TENM3: variants seen among roughly 807,000 people sequenced by gnomAD.
TENM3 encodes teneurin-3.
Under a neutral mutation model 255.1 loss-of-function variants are expected in TENM3, and 63 were observed. The ratio of observed to expected loss-of-function variants is 0.25; its 90% CI spans 0.20 to 0.30. The LOEUF is 0.30. Ranked by LOEUF, TENM3 falls within the 10% of genes least tolerant of loss-of-function variation. TENM3 has a pLI of 1.00. For synonymous variants in TENM3, 1,306 were observed against 1,322.3 expected, an observed-to-expected ratio of 0.99 and a Z score of 0.27; for missense variants, 2,929 against 3,461.1, an observed-to-expected ratio of 0.85 and a Z score of 3.86.
chr4:182,440,822 T>G (rs1772419704), intron 3 of TENM3, among the ~76,000 whole-genome samples: 1 of 143,282 alleles, frequency 7.0e-6, no homozygotes, highest in Non-Finnish European at 1.5e-5. Flanking sequence ...GCTCTAGAGG[T>G]TTTTTTTTTT....
the TENM3 span, among the ~76,000 whole-genome samples, chr4:181,503,116 A>G: frequency 0.14 from 21,069 of 152,080 alleles, 1,526 homozygotes; most frequent in East Asian, 0.23. Flanking sequence ...TAATTCCAGC[A>G]CCCTGGGAGA....
chr4:182,240,001 A>G (rs534273396), upstream of TENM3, among the ~76,000 whole-genome samples: 2 of 151,162 alleles, frequency 1.3e-5, no homozygotes, highest in Admixed American at 1.3e-4. Context: ...AATGGCTGGG[A>G]AAAAAACAAT....
the TENM3 span, among the ~76,000 whole-genome samples, chr4:181,660,569 A>G: frequency 3.3e-5 from 5 of 152,206 alleles, no homozygotes; most frequent in Non-Finnish European, 7.4e-5. Context: ...ATGCCAGTAG[A>G]TATTATCTGG....
intron 3 of TENM3, among the ~76,000 whole-genome samples, chr4:182,572,233 A>G: frequency 6.6e-6 from 1 of 152,186 alleles, no homozygotes; most frequent in East Asian, 1.9e-4. Context: ...GAGACTTTGT[A>G]CTGATTCTTG....
chr4:181,865,875 AT>A, the TENM3 span, among the ~76,000 whole-genome samples: 1 of 152,320 alleles, frequency 6.6e-6, no homozygotes, highest in South Asian at 2.1e-4. Context: ...ATATAGAAAA[AT>A]ATCTATCTAT....
At chr4:182,686,599 T>A (rs1281266842) in intron 11 of TENM3, among the ~76,000 whole-genome samples, 1 of 152,152 alleles carries the variant, frequency 6.6e-6, no homozygotes, top group Non-Finnish European at 1.5e-5. Context: ...AAATGAATTA[T>A]TTCCATCTGA....
At chr4:182,088,109 T>C in the TENM3 span, among the ~76,000 whole-genome samples, 1 of 152,224 alleles carries the variant, frequency 6.6e-6, no homozygotes, top group Admixed American at 6.5e-5. Flanking sequence ...TTTATACATA[T>C]ACACACACGT....
At chr4:181,967,933 G>C in the TENM3 span, among the ~76,000 whole-genome samples, 1 of 152,122 alleles carries the variant, frequency 6.6e-6, no homozygotes, top group Non-Finnish European at 1.5e-5. Context: ...CTTTTCCTTT[G>C]TTGTGAGGCT....
the TENM3 span, among the ~76,000 whole-genome samples, chr4:181,786,238 AG>A: frequency 6.6e-6 from 1 of 152,216 alleles, no homozygotes; most frequent in African/African-American, 2.4e-5. Context: ...GGTACCAAAA[AG>A]GCATTGTCCT....
intron 3 of TENM3, among the ~76,000 whole-genome samples, chr4:182,453,764 T>C (rs1222130001): frequency 6.6e-6 from 1 of 152,194 alleles, no homozygotes; most frequent in African/African-American, 2.4e-5. Context: ...GATCTCTTTT[T>C]ATGCCTTTTC....
At chr4:181,458,640 C>G in the TENM3 span, among the ~76,000 whole-genome samples, 2 of 152,010 alleles carry the variant, frequency 1.3e-5, no homozygotes, top group African/African-American at 4.8e-5. Flanking sequence ...CCCACTCGTT[C>G]CTTGAAACTC....
chr4:181,913,974 G>T, the TENM3 span, among the ~76,000 whole-genome samples: 1 of 152,178 alleles, frequency 6.6e-6, no homozygotes, highest in African/African-American at 2.4e-5. Context: ...TGGAGAAGAT[G>T]GTAGTAGAGC....
chr4:182,517,503 C>G lies in TENM3; in HGVS notation c.512-83421C>G, dbSNP rs576024937. ...GGTTCACGCCATTCTCCTGCCTCAG[C>G]CTCCCGAGTAGCTGGGACTACAGGC... On this transcript the variant is annotated intron_variant, in intron 3 of 27. Coordinates refer to ENST00000511685, the MANE Select transcript of TENM3 (RefSeq NM_001080477.4). Among the ~76,000 whole-genome samples, 108 of 146,424 alleles carry G rather than the reference C, an allele frequency of 7.4e-4. 5 individuals are homozygous for G. Among genetic ancestry groups the G allele is most frequent in the African/African-American group, 2.6e-3 (103 of 39,466 alleles).
At chr4:182,744,309 T>A in intron 19 of TENM3, 1 of 347,090 alleles carries the variant, frequency 2.9e-6, no homozygotes, top group Non-Finnish European at 4.1e-6. Context: ...TAAAAGTGCT[T>A]AATTGAACAA....
chr4:182,101,516 C>G, the TENM3 span, among the ~76,000 whole-genome samples: 18 of 152,258 alleles, frequency 1.2e-4, no homozygotes, highest in South Asian at 1.2e-3. Flanking sequence ...AATATCAAAA[C>G]AGTCAGGACT....
the TENM3 span, among the ~76,000 whole-genome samples, chr4:181,969,506 G>C: frequency 6.6e-6 from 1 of 152,144 alleles, no homozygotes; most frequent in East Asian, 1.9e-4. Flanking sequence ...ACCGCAATAT[G>C]CATGACATAT....
the TENM3 span, among the ~76,000 whole-genome samples, chr4:182,048,137 G>T: frequency 6.6e-6 from 1 of 152,110 alleles, no homozygotes; most frequent in South Asian, 2.1e-4. Flanking sequence ...ATTTTCATCA[G>T]TTCCCCCCAC....
chr4:181,894,991 T>C, the TENM3 span, among the ~76,000 whole-genome samples: 2 of 152,114 alleles, frequency 1.3e-5, no homozygotes, highest in Non-Finnish European at 2.9e-5. Flanking sequence ...CTTCTTTCAA[T>C]TGATGTCTCC....
chr4:182,473,589 C>T lies in TENM3; in HGVS notation c.511+126660C>T, dbSNP rs146843275. The stretch of plus-strand genomic sequence containing the variant: ...TCGGGAGGCTGAGGCAAGTGAATGG[C>T]GTGAACTAGGGAGGCGGAGCTTGCA... On this transcript the variant is annotated intron_variant, in intron 3 of 27. Coordinates refer to ENST00000511685, the MANE Select transcript of TENM3 (RefSeq NM_001080477.4). Among the ~76,000 whole-genome samples, 1,099 of 152,210 alleles carry T rather than the reference C, an allele frequency of 7.2e-3. 10 individuals carry two copies. The highest frequency in any genetic ancestry group is 0.037 in the Middle Eastern group (11 of 294).
Sources: allele counts gnomAD v4.1 joint callset (sites outside exome capture counted in the v4.1 genomes callset), GRCh38; gene constraint gnomAD v4.1.1; transcripts MANE v1.5; gene names NCBI Gene and HGNC (gene_info 2026-07-23, HGNC 2026-07-21).